MAST2: variants seen among roughly 807,000 people sequenced by gnomAD.
MAST2 encodes the protein microtubule associated serine/threonine kinase 2.
In MAST2, 70 loss-of-function variants were observed where a neutral mutation model predicts 147.4. The ratio of observed to expected loss-of-function variants is 0.47; its 90% CI spans 0.39 to 0.58. MAST2 has a LOEUF of 0.58. Among genes scored for constraint, MAST2 ranks in the 20% least tolerant of loss-of-function variants. The probability of loss-of-function intolerance (pLI) is 0.00; values close to 1 mark genes in which losing one functional copy is unlikely to be tolerated. For synonymous variants in MAST2, 869 were observed against 896.8 expected (o/e 0.97, Z 0.55); for missense variants, 2,080 against 2,302.3 (o/e 0.90, Z 1.98).
intron 1 of MAST2, among the ~76,000 whole-genome samples, chr1:45,813,588 T>G (rs1486037780): frequency 6.6e-6 from 1 of 151,216 alleles, no homozygotes; most frequent in Non-Finnish European, 1.5e-5. Context: ...AACCTCTGCC[T>G]TCCGGATTCA....
At chr1:45,950,326 G>A (rs146311787) in intron 4 of MAST2, among the ~76,000 whole-genome samples, 16 of 152,266 alleles carry the variant, frequency 1.1e-4, no homozygotes, top group African/African-American at 3.9e-4. Flanking sequence ...GTCTTGGCTT[G>A]TTTAGTGTAA....
At chr1:46,022,889 C>G (rs1646247499) in intron 12 of MAST2, 21 bp from the exon 13 acceptor site, 1 of 1,604,246 alleles carries the variant, frequency 6.2e-7, no homozygotes, top group Non-Finnish European at 8.5e-7. Context: ...GCACATTCTT[C>G]TCTTGTATCT....
intron 1 of MAST2, among the ~76,000 whole-genome samples, chr1:45,811,635 G>A (rs1458344258): frequency 1.4e-5 from 2 of 140,094 alleles, no homozygotes; most frequent in Admixed American, 7.4e-5. Flanking sequence ...CACCGCACCC[G>A]GCTTTTTTTT....
chr1:45,977,615 C>T (rs7526811), intron 5 of MAST2, among the ~76,000 whole-genome samples: 6,310 of 151,844 alleles, frequency 0.042, 453 homozygotes, highest in African/African-American at 0.14. Context: ...CTGGCTAAGA[C>T]GGTGAAACCC....
chr1:45,966,171 C>T (rs1441365024), intron 5 of MAST2, among the ~76,000 whole-genome samples: 3 of 152,160 alleles, frequency 2.0e-5, no homozygotes, highest in African/African-American at 7.2e-5. Flanking sequence ...CTGAAGTTTC[C>T]TCCATGTCTT....
intron 3 of MAST2, among the ~76,000 whole-genome samples, chr1:45,835,771 T>C (rs1645085165): frequency 6.6e-6 from 1 of 152,148 alleles, no homozygotes; most frequent in Non-Finnish European, 1.5e-5. Flanking sequence ...CATTCCACCC[T>C]CATTCTAGCT....
intron 1 of MAST2, among the ~76,000 whole-genome samples, chr1:45,812,062 G>A (rs1381676445): frequency 2.6e-5 from 4 of 152,126 alleles, no homozygotes; most frequent in African/African-American, 7.2e-5. Flanking sequence ...GAGCCACCGC[G>A]CGCGGCACAG....
chr1:45,827,292 G>C (rs1644823507), intron 2 of MAST2, among the ~76,000 whole-genome samples: 1 of 152,008 alleles, frequency 6.6e-6, no homozygotes, highest in Non-Finnish European at 1.5e-5. Flanking sequence ...TTTTTTCTGT[G>C]TTATTTATTT....
At chr1:45,816,444 A>G (rs907058340) in intron 1 of MAST2, among the ~76,000 whole-genome samples, 1 of 152,226 alleles carries the variant, frequency 6.6e-6, no homozygotes, top group Non-Finnish European at 1.5e-5. Flanking sequence ...CTGGAGAGAT[A>G]GAGATACATG....
rs1006828651 is a variant in MAST2, at chr1:45,978,997, G to A, written c.593-18727G>A. On this transcript the variant is annotated intron_variant, in intron 5 of 28. Coordinates refer to ENST00000361297, the MANE Select transcript of MAST2 (RefSeq NM_015112.3). ...AAACCTCTAAACTGCACACTTAAGG[G>A]TAAATGTTACATGAAAGTTATATCT... Among the ~76,000 whole-genome samples the A allele has an allele frequency of 3.3e-5, 5 of 152,152 alleles. No homozygotes were observed. In the South Asian group the frequency reaches 1.0e-3, roughly 32 times the overall value.
At chr1:46,028,691 G>A (rs907149730) in intron 17 of MAST2, 77 bp from the exon 18 acceptor site, 21 of 1,493,256 alleles carry the variant, frequency 1.4e-5, no homozygotes, top group Non-Finnish European at 1.9e-5. Flanking sequence ...CTCGAGATGG[G>A]AGCATCCCCC....
chr1:45,847,918 GA>G (rs1645495312), intron 3 of MAST2, among the ~76,000 whole-genome samples: 1 of 152,196 alleles, frequency 6.6e-6, no homozygotes, highest in African/African-American at 2.4e-5. Flanking sequence ...AGCAAAGATT[GA>G]AAAGCAGTGC....
chr1:45,844,183 T>C (rs1330529956), intron 3 of MAST2, among the ~76,000 whole-genome samples: 4 of 152,106 alleles, frequency 2.6e-5, no homozygotes, highest in Admixed American at 6.5e-5. Flanking sequence ...CACCGCAGTG[T>C]CAACCTGCTA....
chr1:45,877,941 C>T (rs187875316), intron 3 of MAST2, among the ~76,000 whole-genome samples: 3 of 152,206 alleles, frequency 2.0e-5, no homozygotes, highest in African/African-American at 4.8e-5. Flanking sequence ...CGGTGGCTCA[C>T]GCCTGTAATC....
At chr1:45,881,537 G>A (rs1161409408) in intron 3 of MAST2, among the ~76,000 whole-genome samples, 1 of 152,198 alleles carries the variant, frequency 6.6e-6, no homozygotes, top group Admixed American at 6.5e-5. Context: ...CACTTGGAAA[G>A]CAAGTCACAG....
intron 5 of MAST2, among the ~76,000 whole-genome samples, chr1:45,968,576 C>T (rs1163007397): frequency 2.6e-5 from 4 of 151,328 alleles, no homozygotes; most frequent in Non-Finnish European, 4.4e-5. Context: ...TTCTTGTCTT[C>T]GCTCCTCTGA....
chr1:45,941,659 T>G (rs1238666211), intron 4 of MAST2, among the ~76,000 whole-genome samples: 1 of 152,248 alleles, frequency 6.6e-6, no homozygotes, highest in Admixed American at 6.5e-5. Flanking sequence ...CTTTTTTATT[T>G]GTTTATTCCT....
intron 2 of MAST2, among the ~76,000 whole-genome samples, chr1:45,828,181 G>C (rs546757386): frequency 9.9e-5 from 15 of 152,140 alleles, no homozygotes; most frequent in Non-Finnish European, 1.8e-4. Flanking sequence ...TTTCTTCTGT[G>C]GTTAGCTTTG....
At chr1:45,928,576 TTTTTC>T (rs1377637308) in intron 4 of MAST2, among the ~76,000 whole-genome samples, 11 of 151,768 alleles carry the variant, frequency 7.2e-5, no homozygotes, top group South Asian at 2.1e-4. Context: ...TCTTTTTTTT[TTTTTC>T]TTTTCTTTTT....
Sources: allele counts gnomAD v4.1 joint callset (sites outside exome capture counted in the v4.1 genomes callset), GRCh38; gene constraint gnomAD v4.1.1; transcripts MANE v1.5; gene names NCBI Gene and HGNC (gene_info 2026-07-23, HGNC 2026-07-21).